The following NDUFAF2 variants were observed in gnomAD, a reference collection of about 807,000 sequenced individuals.
The protein encoded by NDUFAF2 is NADH dehydrogenase [ubiquinone] 1 alpha subcomplex assembly factor 2.
Under a neutral mutation model 22.8 loss-of-function variants are expected in NDUFAF2, and 13 were observed. The observed-to-expected ratio is 0.57, with a 90% confidence interval of 0.37 to 0.91. The LOEUF (loss-of-function observed/expected upper bound fraction) is 0.91. Among genes scored for constraint, NDUFAF2 ranks in the 40% least tolerant of loss-of-function variants. The probability of loss-of-function intolerance (pLI) is 0.01; values close to 1 mark genes in which losing one functional copy is unlikely to be tolerated. For synonymous variants in NDUFAF2, 53 were observed against 64.2 expected (o/e 0.83, Z 0.84); for missense variants, 162 against 195.2 (o/e 0.83, Z 1.01).
At chr5:60,954,199 A>T (rs553638835) in intron 1 of NDUFAF2, among the ~76,000 whole-genome samples, 1 of 152,260 alleles carries the variant, frequency 6.6e-6, no homozygotes, top group Admixed American at 6.5e-5. Flanking sequence ...AAGACCTATG[A>T]TGTGGCTAGG....
At chr5:61,024,522 T>C (rs2112605899) in intron 1 of NDUFAF2, among the ~76,000 whole-genome samples, 2 of 152,136 alleles carry the variant, frequency 1.3e-5, no homozygotes, top group East Asian at 1.9e-4. Flanking sequence ...ATAAGACACG[T>C]CATTTTCATT....
intron 1 of NDUFAF2, among the ~76,000 whole-genome samples, chr5:60,998,985 G>A (rs918133443): frequency 1.3e-4 from 20 of 151,898 alleles, no homozygotes; most frequent in Admixed American, 4.6e-4. Context: ...TAGAGAAAAT[G>A]GAATTGGAGG....
intron 2 of NDUFAF2, among the ~76,000 whole-genome samples, chr5:61,074,658 G>A (rs959764144): frequency 6.6e-6 from 1 of 152,252 alleles, no homozygotes; most frequent in African/African-American, 2.4e-5. Flanking sequence ...TACTCGGGAG[G>A]CTGAGGCAGG....
intron 3 of NDUFAF2, among the ~76,000 whole-genome samples, chr5:61,149,856 T>C (rs1017379531): frequency 6.6e-6 from 1 of 152,196 alleles, no homozygotes; most frequent in Non-Finnish European, 1.5e-5. Context: ...GGTCTACAAT[T>C]CCTATCCTGT....
At chr5:61,058,496 C>A (rs1189265446) in intron 1 of NDUFAF2, among the ~76,000 whole-genome samples, 2 of 151,920 alleles carry the variant, frequency 1.3e-5, no homozygotes, top group African/African-American at 4.8e-5. Context: ...CAATCACATT[C>A]ATAAATGTCC....
intron 2 of NDUFAF2, among the ~76,000 whole-genome samples, 193 bp from the exon 3 acceptor site, chr5:61,098,799 G>C (rs959389912): frequency 6.6e-6 from 1 of 152,118 alleles, no homozygotes; most frequent in Non-Finnish European, 1.5e-5. Context: ...ATATGTTTGT[G>C]TGTTTATTTT....
chr5:61,046,252 C>T (rs924858916), intron 1 of NDUFAF2, among the ~76,000 whole-genome samples: 2 of 152,044 alleles, frequency 1.3e-5, no homozygotes, highest in African/African-American at 4.8e-5. Context: ...TTGTGTTCAT[C>T]AGGAATTGGC....
rs528601468 is a variant in NDUFAF2, at chr5:61,064,110, A to G, written c.128-9015A>G. 5.3e-4 allele frequency among the ~76,000 whole-genome samples: 81 copies of G among 152,260 alleles called. No individual in the cohort carries two copies. The South Asian group carries it at 0.016, about 30-fold the overall frequency. ...AGCGTGGCTGTACTTACATATGATA[A>G]AATAGACTTCAAGTGAAAAACTATT... On this transcript the variant is annotated intron_variant, in intron 1 of 3. Coordinates refer to ENST00000296597, the MANE Select transcript of NDUFAF2 (RefSeq NM_174889.5).
At chr5:61,049,860 A>T (rs923316908) in intron 1 of NDUFAF2, among the ~76,000 whole-genome samples, 1 of 149,066 alleles carries the variant, frequency 6.7e-6, no homozygotes, top group Non-Finnish European at 1.5e-5. Flanking sequence ...AAAATTATAT[A>T]TACACAAATT....
chr5:60,947,765 C>CAAAAA (rs11285395), intron 1 of NDUFAF2, among the ~76,000 whole-genome samples: 1 of 115,740 alleles, frequency 8.6e-6, no homozygotes. Flanking sequence ...GACTCCACCT[C>CAAAAA]AAAAAAAAAA....
chr5:60,955,742 G>A (rs1165862044), intron 1 of NDUFAF2, among the ~76,000 whole-genome samples: 1 of 152,056 alleles, frequency 6.6e-6, no homozygotes, highest in Non-Finnish European at 1.5e-5. Flanking sequence ...CTGCTTGAAA[G>A]CATTTCTTTC....
chr5:60,950,641 G>GTT (rs1309492733), intron 1 of NDUFAF2, among the ~76,000 whole-genome samples: 13 of 133,728 alleles, frequency 9.7e-5, no homozygotes, highest in African/African-American at 2.2e-4. Flanking sequence ...TGCTTGCTGG[G>GTT]TTTTTTTTTT....
chr5:61,132,968 T>C (rs193183617), intron 3 of NDUFAF2, among the ~76,000 whole-genome samples: 1 of 151,544 alleles, frequency 6.6e-6, no homozygotes, highest in African/African-American at 2.4e-5. Flanking sequence ...AAGCTTGCAC[T>C]GTCTTCATAA....
chr5:61,005,883 C>A (rs1261116922), intron 1 of NDUFAF2, among the ~76,000 whole-genome samples: 4 of 152,032 alleles, frequency 2.6e-5, no homozygotes, highest in Admixed American at 2.6e-4. Context: ...TTCTCCCATT[C>A]TGTAGGTTGC....
chr5:61,017,838 C>T (rs533763953), intron 1 of NDUFAF2, among the ~76,000 whole-genome samples: 45 of 152,216 alleles, frequency 3.0e-4, no homozygotes, highest in African/African-American at 1.1e-3. Flanking sequence ...CAACCTCCAC[C>T]TCCCAGGTTC....
At chr5:61,106,319 G>T (rs1752761913) in intron 3 of NDUFAF2, among the ~76,000 whole-genome samples, 1 of 151,428 alleles carries the variant, frequency 6.6e-6, no homozygotes, top group Non-Finnish European at 1.5e-5. Context: ...GTTGTACTAA[G>T]TAGGGCAGAT....
chr5:61,122,592 T>G (rs1752989465), intron 3 of NDUFAF2, among the ~76,000 whole-genome samples: 1 of 152,192 alleles, frequency 6.6e-6, no homozygotes, highest in African/African-American at 2.4e-5. Context: ...TGAAATTTTC[T>G]TCTATGTTTT....
intron 1 of NDUFAF2, among the ~76,000 whole-genome samples, chr5:60,986,997 T>C (rs2112582891): frequency 6.7e-6 from 1 of 148,230 alleles, no homozygotes; most frequent in South Asian, 2.1e-4. Flanking sequence ...ATCCAGGAGA[T>C]AGTTTTTTTG....
At chr5:61,128,431 G>A (rs1311339424) in intron 3 of NDUFAF2, among the ~76,000 whole-genome samples, 1 of 152,164 alleles carries the variant, frequency 6.6e-6, no homozygotes, top group Non-Finnish European at 1.5e-5. Context: ...AAACAGCATG[G>A]TACTGGTACC....
Sources: gnomAD v4.1 joint callset for allele counts (sites outside exome capture counted in the v4.1 genomes callset) on GRCh38, gnomAD v4.1.1 for gene constraint, MANE v1.5 for transcripts, NCBI Gene and HGNC (gene_info 2026-07-23, HGNC 2026-07-21) for gene names.